Variants in STK32C observed in about 807,000 individuals in gnomAD.
STK32C encodes serine/threonine kinase 32C, also known as serine/threonine-protein kinase 32C.
A neutral mutation model predicts 56.5 loss-of-function variants in STK32C; 31 were observed. The ratio of observed to expected loss-of-function variants is 0.55; its 90% CI spans 0.41 to 0.74. STK32C has a LOEUF of 0.74. STK32C is among the 30% of genes least tolerant of loss of function. STK32C has a pLI of 0.00. For synonymous variants in STK32C, 309 were observed against 289.4 expected (o/e 1.07, Z -0.69); for missense variants, 544 against 676.9 (o/e 0.80, Z 2.18).
At chr10:132,254,070 G>T (rs2064016618) in intron 1 of STK32C, among the ~76,000 whole-genome samples, 1 of 152,230 alleles carries the variant, frequency 6.6e-6, no homozygotes, top group African/African-American at 2.4e-5. Flanking sequence ...AGCACTTAGG[G>T]AGGCCGAGGC....
chr10:132,244,623 C>G (rs2063621552), intron 2 of STK32C, among the ~76,000 whole-genome samples: 1 of 152,238 alleles, frequency 6.6e-6, no homozygotes, highest in Non-Finnish European at 1.5e-5. Flanking sequence ...CCCAACCTCC[C>G]TCCTTGAACC....
chr10:132,235,988 C>T (rs143225714), intron 2 of STK32C, among the ~76,000 whole-genome samples: 76 of 152,294 alleles, frequency 5.0e-4, no homozygotes, highest in Admixed American at 5.9e-4. Context: ...CGGGAGGTGG[C>T]GAAGGTTGTG....
At chr10:132,252,552 T>C (rs2063946297) in intron 1 of STK32C, among the ~76,000 whole-genome samples, 1 of 152,202 alleles carries the variant, frequency 6.6e-6, no homozygotes. Context: ...CACAATCCCA[T>C]CTCACAGCTA....
At chr10:132,294,406 T>A (rs769296612) in intron 1 of STK32C, among the ~76,000 whole-genome samples, 3 of 151,994 alleles carry the variant, frequency 2.0e-5, no homozygotes, top group South Asian at 2.1e-4. Flanking sequence ...CTCCAGCGGG[T>A]TTTGGGAGAA....
At chr10:132,224,984 C>A (rs144089709) in intron 7 of STK32C, among the ~76,000 whole-genome samples, 4 of 152,356 alleles carry the variant, frequency 2.6e-5, no homozygotes, top group Non-Finnish European at 4.4e-5. Context: ...TCAGCCTTGT[C>A]CACCCCCACA....
intron 1 of STK32C, among the ~76,000 whole-genome samples, chr10:132,293,339 C>G (rs896391377): frequency 3.9e-5 from 6 of 152,380 alleles, no homozygotes; most frequent in African/African-American, 1.4e-4. Flanking sequence ...GTGAGCCACT[C>G]TCAGGCCAGG....
chr10:132,327,150 T>A (rs1203376447), intron 1 of STK32C, among the ~76,000 whole-genome samples: 1 of 152,184 alleles, frequency 6.6e-6, no homozygotes, highest in Admixed American at 6.5e-5. Flanking sequence ...GGGAGGTAAC[T>A]GAATCATGGG....
At chr10:132,304,763 T>C (rs1271992039) in intron 1 of STK32C, among the ~76,000 whole-genome samples, 2 of 152,242 alleles carry the variant, frequency 1.3e-5, no homozygotes, top group Non-Finnish European at 2.9e-5. Context: ...AGGAGTCTGG[T>C]GGCCCCTGGT....
chr10:132,246,996 T>C (rs185080868), intron 1 of STK32C, among the ~76,000 whole-genome samples: 1 of 152,294 alleles, frequency 6.6e-6, no homozygotes, highest in East Asian at 1.9e-4. Context: ...ATTTCACCTA[T>C]TTACCCACTT....
chr10:132,312,615 T>C (rs1485944003), upstream of STK32C, among the ~76,000 whole-genome samples: 6 of 152,096 alleles, frequency 3.9e-5, no homozygotes, highest in Non-Finnish European at 7.4e-5. Context: ...GCAAGTTCCA[T>C]GAGGTTTCAA....
At chr10:132,274,264 C>T (rs1041025931) in intron 1 of STK32C, among the ~76,000 whole-genome samples, 19 of 152,248 alleles carry the variant, frequency 1.2e-4, no homozygotes, top group Non-Finnish European at 1.8e-4. Flanking sequence ...CAGCTGCGCC[C>T]GGATTCAGGA....
chr10:132,322,895 C>T (rs77321713), downstream of STK32C, among the ~76,000 whole-genome samples: 1 of 152,166 alleles, frequency 6.6e-6, no homozygotes, highest in Non-Finnish European at 1.5e-5. Flanking sequence ...TTGGTTCGTG[C>T]GTCCCTCTCC....
chr10:132,300,957 T>G (rs894218967), intron 1 of STK32C, among the ~76,000 whole-genome samples: 1 of 152,102 alleles, frequency 6.6e-6, no homozygotes, highest in African/African-American at 2.4e-5. Context: ...AACACACAGC[T>G]CAACGGAGCT....
intron 8 of STK32C, among the ~76,000 whole-genome samples, chr10:132,223,948 C>G (rs1452539031): frequency 1.1e-4 from 17 of 152,226 alleles, no homozygotes; most frequent in Non-Finnish European, 1.5e-5. Flanking sequence ...GGCTGATGTC[C>G]CCTGAGAGGT....
intron 2 of STK32C, 51 bp from the exon 3 acceptor site, chr10:132,228,179 C>G (rs369986866): frequency 6.2e-7 from 1 of 1,612,932 alleles, no homozygotes. Context: ...CCTGGGGACA[C>G]GTGGGGACAC....
At chr10:132,284,846 AC>A (rs2065347417) in intron 1 of STK32C, among the ~76,000 whole-genome samples, 1 of 145,836 alleles carries the variant, frequency 6.9e-6, no homozygotes, top group Non-Finnish European at 1.5e-5. Context: ...AACCCAGAAC[AC>A]ATTCCCACAT....
chr10:132,274,554 A>G (rs2064939598), intron 1 of STK32C, among the ~76,000 whole-genome samples: 1 of 152,202 alleles, frequency 6.6e-6, no homozygotes, highest in Admixed American at 6.5e-5. Context: ...CCGCCCGCTG[A>G]CATTCACCTG....
At chr10:132,256,469 G>A (rs189349368) in intron 1 of STK32C, among the ~76,000 whole-genome samples, 4 of 152,292 alleles carry the variant, frequency 2.6e-5, no homozygotes, top group East Asian at 3.9e-4. Flanking sequence ...CAGACAACAC[G>A]GGGATCTGCC....
Position 132,238,968 on chromosome 10 carries a change from G to A in STK32C, c.318+6932C>T, listed in dbSNP as rs189755580. 7.5e-3 allele frequency among the ~76,000 whole-genome samples: 1,148 copies of A among 152,282 alleles called. 19 individuals are homozygous for A. In the South Asian group the frequency reaches 0.083, roughly 11 times the overall value. On this transcript the variant is annotated intron_variant, in intron 2 of 11. Coordinates refer to ENST00000298630, the MANE Select transcript of STK32C (RefSeq NM_173575.4). Reference sequence around the variant, plus strand: ...GCCGGGGTGACTGTCCAGCCCTGTCGGGTCCTCAGTGCTCCTGAAACCCTC... The same window carrying A: ...GCCGGGGTGACTGTCCAGCCCTGTCAGGTCCTCAGTGCTCCTGAAACCCTC...
Sources: gnomAD v4.1 joint callset for allele counts (sites outside exome capture counted in the v4.1 genomes callset) on GRCh38, gnomAD v4.1.1 for gene constraint, MANE v1.5 for transcripts, NCBI Gene and HGNC (gene_info 2026-07-23, HGNC 2026-07-21) for gene names.